The following LRCH2 variants were observed in gnomAD, a reference collection of about 807,000 sequenced individuals.
LRCH2 encodes leucine rich repeats and calponin homology domain containing 2, also known as leucine-rich repeat and calponin homology domain-containing protein 2.
Under a neutral mutation model 68.9 loss-of-function variants are expected in LRCH2, and 38 were observed. That is an observed-to-expected ratio of 0.55 (90% confidence interval 0.43 to 0.72). LRCH2 has a LOEUF of 0.72. Among genes scored for constraint, LRCH2 ranks in the 30% least tolerant of loss-of-function variants. LRCH2 has a pLI of 0.00. For synonymous variants in LRCH2, 191 were observed against 208.1 expected, an observed-to-expected ratio of 0.92 and a Z score of 0.71; for missense variants, 528 against 572.9, an observed-to-expected ratio of 0.92 and a Z score of 0.80.
rs782659874 is a variant in LRCH2 at position 115,170,339 on chromosome X, A to T, written c.958T>A (p.Ser320Thr). ...DKKPDSLDLP[S>T]LSKRMPSQPL... ...TGTGAGGGCATTCGTTTACTCAATG[A>T]TGGAAGATCCAGGGAATCTGGTTTC... The change falls in exon 6 of 21, where the codon TCA becomes ACA. Residue 320 changes from serine to threonine, a missense_variant. By Grantham distance (58) the Ser-to-Thr change is moderately conservative. Transcript: ENST00000317135. The T allele has an allele frequency of 2.5e-6, 3 of 1,182,008 alleles. No homozygotes were observed. Among genetic ancestry groups the T allele is most frequent in the Non-Finnish European group, 3.4e-6 (3 of 880,251 alleles).
intron 6 of LRCH2, among the ~76,000 whole-genome samples, chrX:115,168,522 T>C (rs2072581626): frequency 8.9e-6 from 1 of 112,144 alleles, no homozygotes; most frequent in Admixed American, 9.5e-5. Flanking sequence ...ATATTTTGGA[T>C]ATACTCAAAT....
intron 15 of LRCH2, 116 bp downstream of exon 15, chrX:115,130,039 C>T: frequency 5.5e-6 from 2 of 363,716 alleles, no homozygotes; most frequent in Non-Finnish European, 9.7e-6. Flanking sequence ...GAAAAAAAAC[C>T]ATGCATTAAA....
At chrX:115,114,156 C>A (rs782351690) in intron 20 of LRCH2, among the ~76,000 whole-genome samples, 2 of 111,171 alleles carry the variant, frequency 1.8e-5, no homozygotes, top group East Asian at 2.8e-4. Flanking sequence ...TGCCCTTCTG[C>A]GATCCATGTC....
intron 1 of LRCH2, among the ~76,000 whole-genome samples, chrX:115,214,894 T>C (rs781994373): frequency 8.9e-6 from 1 of 112,022 alleles, no homozygotes; most frequent in African/African-American, 3.2e-5. Flanking sequence ...CAGTTATCTG[T>C]AGGAAATTCT....
intron 16 of LRCH2, among the ~76,000 whole-genome samples, chrX:115,125,144 C>T (rs1164425615): frequency 9.2e-6 from 1 of 109,091 alleles, no homozygotes; most frequent in East Asian, 2.9e-4. Flanking sequence ...ACAAAACTCA[C>T]ACCTGTAATC....
chrX:115,181,637 T>C (rs1157201855), intron 3 of LRCH2, among the ~76,000 whole-genome samples: 2 of 112,105 alleles, frequency 1.8e-5, no homozygotes, highest in Non-Finnish European at 3.8e-5. Flanking sequence ...TGGAAAAGTA[T>C]CAAGAGAAAA....
At chrX:115,196,882 C>G (rs782596428) in intron 1 of LRCH2, among the ~76,000 whole-genome samples, 1 of 111,103 alleles carries the variant, frequency 9.0e-6, no homozygotes, top group Non-Finnish European at 1.9e-5. Flanking sequence ...ACTGCCAACA[C>G]AGGAGCCAGC....
intron 16 of LRCH2, among the ~76,000 whole-genome samples, chrX:115,125,191 G>C (rs2072175645): frequency 1.9e-5 from 2 of 108,041 alleles, no homozygotes; most frequent in African/African-American, 3.4e-5. Context: ...TAGATCACTT[G>C]AGGCCAGGAG....
intron 1 of LRCH2, chrX:115,191,656 G>A (rs781787723): frequency 5.3e-5 from 61 of 1,154,129 alleles, no homozygotes; most frequent in Admixed American, 1.6e-4. Context: ...CAGCCAGAGC[G>A]ACCACTATGG....
In LRCH2 at chrX:115,179,526, A is replaced by G; in HGVS notation, c.765T>C (p.Ser255=). The change falls in exon 5 of 21, where the codon TCT becomes TCC. Residue 255 remains serine (S), a synonymous_variant. Coordinates refer to ENST00000317135, the MANE Select transcript of LRCH2 (RefSeq NM_020871.4). ...CTGGAATTTCGGTCACTTTATTACA[A>G]GAGAAATCCAGCTTGACTAAGGGAA... is the stretch of plus-strand genomic sequence containing the variant. ...GDLPLVKLDF[S]CNKVTEIPVC... 3 of 1,143,988 alleles carry G rather than the reference A, an allele frequency of 2.6e-6. No homozygotes were observed. The South Asian group carries it at 6.4e-5, about 24-fold the overall frequency. 94.3% of individuals were successfully genotyped at this position (1,143,988 alleles called of 1,213,427 possible). A position where few individuals can be genotyped will look rare whatever the true frequency, so the allele number is the denominator to read the frequency against.
chrX:115,224,687 A>G (rs1383791852), intron 1 of LRCH2, among the ~76,000 whole-genome samples: 1 of 108,860 alleles, frequency 9.2e-6, no homozygotes, highest in East Asian at 2.8e-4. Context: ...CTGTCAAAAA[A>G]AAAAAAAAAG....
chrX:115,114,508 G>T (rs782109381), intron 20 of LRCH2, among the ~76,000 whole-genome samples: 2 of 109,992 alleles, frequency 1.8e-5, no homozygotes, highest in East Asian at 5.7e-4. Flanking sequence ...AAACAATAAA[G>T]TAAAAAAACA....
rs1382141684 is a variant in LRCH2 at position 115,115,268 on chromosome X, C to G, written c.2179-1933G>C. 4.5e-5 allele frequency among the ~76,000 whole-genome samples: 5 copies of G among 110,455 alleles called. No homozygotes were observed. In the Admixed American group the frequency reaches 4.8e-4, roughly 11 times the overall value. On this transcript the variant is annotated intron_variant, in intron 20 of 20. Coordinates refer to ENST00000317135, the MANE Select transcript of LRCH2 (RefSeq NM_020871.4). ...TAGCCAAAACAACCTTGATACAGAA[C>G]AAATGTGGAAGACTCACACTTCTTG... is the stretch of plus-strand genomic sequence containing the variant.
intron 1 of LRCH2, chrX:115,190,899 C>T: frequency 8.6e-7 from 1 of 1,163,798 alleles, no homozygotes; most frequent in Non-Finnish European, 1.1e-6. Context: ...GTGGAGGCTG[C>T]TCGCCCGAGG....
intron 11 of LRCH2, 120 bp downstream of exon 11, chrX:115,163,556 G>A (rs1414862190): frequency 2.2e-6 from 1 of 447,984 alleles, no homozygotes. Context: ...AGTCCCTTGA[G>A]ATAGATCTTA....
chrX:115,174,601 C>CCA (rs59364428), intron 5 of LRCH2, among the ~76,000 whole-genome samples: 38 of 66,605 alleles, frequency 5.7e-4, no homozygotes, highest in African/African-American at 1.6e-3. Context: ...ACCCCCCCCC[C>CCA]CACACACACA....
chrX:115,154,674 C>T (rs1478458712), intron 12 of LRCH2, among the ~76,000 whole-genome samples: 1 of 111,220 alleles, frequency 9.0e-6, no homozygotes, highest in Non-Finnish European at 1.9e-5. Context: ...ATAATTTGTT[C>T]TTTTTAGAAT....
intron 19 of LRCH2, 75 bp downstream of exon 19, chrX:115,122,685 G>C (rs1452055791): frequency 8.6e-7 from 1 of 1,164,792 alleles, no homozygotes; most frequent in African/African-American, 1.8e-5. Flanking sequence ...AGTTCACTGA[G>C]GTATATTATT....
intron 1 of LRCH2, among the ~76,000 whole-genome samples, chrX:115,231,315 G>A (rs2073151255): frequency 9.0e-6 from 1 of 111,326 alleles, no homozygotes; most frequent in Admixed American, 9.6e-5. Context: ...CTGTATGTAT[G>A]TGTGTGTATG....
Sources: gnomAD v4.1 joint callset for allele counts (sites outside exome capture counted in the v4.1 genomes callset) on GRCh38, gnomAD v4.1.1 for gene constraint, MANE v1.5 for transcripts, NCBI Gene and HGNC (gene_info 2026-07-23, HGNC 2026-07-21) for gene names.